The following SYNE1 variants were observed in gnomAD, a reference collection of about 807,000 sequenced individuals.
SYNE1 encodes the protein nesprin-1.
SYNE1 carries 616 observed loss-of-function variants against 1,111.0 expected under a neutral mutation model. The ratio of observed to expected loss-of-function variants is 0.55; its 90% CI spans 0.52 to 0.59. The LOEUF is 0.59. Among genes scored for constraint, SYNE1 ranks in the 20% least tolerant of loss-of-function variants. SYNE1 has a pLI of 0.00. For synonymous variants in SYNE1, 3,855 were observed against 3,825.8 expected (o/e 1.01, Z -0.28); for missense variants, 10,006 against 10,417.0 (o/e 0.96, Z 1.72).
chr6:152,189,539 G>C, intron 127 of SYNE1, 132 bp from the exon 128 acceptor site: 1 of 771,110 alleles, frequency 1.3e-6, no homozygotes, highest in Non-Finnish European at 2.1e-6. Flanking sequence ...GGGATCTAGA[G>C]GCACATCATG....
At chr6:152,521,617 AAT>A (rs1166403826) in intron 5 of SYNE1, among the ~76,000 whole-genome samples, 8 of 152,172 alleles carry the variant, frequency 5.3e-5, no homozygotes, top group Non-Finnish European at 7.4e-5. Context: ...GATCAGCAGC[AAT>A]GGGGACTTCT....
chr6:152,603,879 T>C (rs1405278291), intron 3 of SYNE1, among the ~76,000 whole-genome samples: 1 of 147,066 alleles, frequency 6.8e-6, no homozygotes, highest in Non-Finnish European at 1.5e-5. Flanking sequence ...ATACTATCTA[T>C]CTATACATGC....
chr6:152,535,394 A>G (rs1232960705), intron 4 of SYNE1, among the ~76,000 whole-genome samples: 1 of 152,184 alleles, frequency 6.6e-6, no homozygotes, highest in Non-Finnish European at 1.5e-5. Context: ...GCCTGAGTTC[A>G]TCCCAAACAC....
chr6:152,352,686 G>T (rs140790444), intron 69 of SYNE1, among the ~76,000 whole-genome samples: 1 of 152,310 alleles, frequency 6.6e-6, no homozygotes, highest in African/African-American at 2.4e-5. Flanking sequence ...TTACAGGTGT[G>T]AGCCACTGTG....
chr6:152,554,923 A>G (rs2099359784), intron 3 of SYNE1, among the ~76,000 whole-genome samples: 1 of 152,240 alleles, frequency 6.6e-6, no homozygotes. Flanking sequence ...GTTTGTAGGT[A>G]GGACTTAAGT....
In SYNE1 at chr6:152,239,676, T is replaced by G; in HGVS notation, c.19924A>C (p.Ile6642Leu). The G allele has an allele frequency of 6.2e-7, 1 of 1,614,186 alleles. No individual in the cohort carries two copies. Among genetic ancestry groups the G allele is most frequent in the Non-Finnish European group, 8.5e-7 (1 of 1,180,026 alleles). ...TTTCTGAAGAGTGTTTCAGTCAAGA[T>G]CATATGAGATTCCAGGCCCTGAAAG... is the stretch of plus-strand genomic sequence containing the variant. ...EYFQGLESHM[I>L]LTETLFRKII... The change falls in exon 108 of 146, where the codon ATC becomes CTC. Residue 6642 changes from isoleucine (I) to leucine (L), a missense_variant. Around this residue, in one of 7 missense-constraint regions of SYNE1, gnomAD observed 2,182 missense variants for 2,287.8 expected, o/e 0.95. Coordinates refer to ENST00000367255, the MANE Select transcript of SYNE1 (RefSeq NM_182961.4).
chr6:152,204,402 A>G (rs2076119585), intron 126 of SYNE1, among the ~76,000 whole-genome samples: 2 of 151,712 alleles, frequency 1.3e-5, no homozygotes, highest in African/African-American at 4.8e-5. Context: ...AGAAAGAAAG[A>G]TAAAAAAGAT....
At chr6:152,179,585 G>C (rs2067360537) in intron 129 of SYNE1, 1 of 147,416 alleles carries the variant, frequency 6.8e-6, no homozygotes, top group South Asian at 2.2e-4. Context: ...AATAGTAGAT[G>C]CTCTATTTCA....
intron 3 of SYNE1, among the ~76,000 whole-genome samples, chr6:152,573,958 G>A (rs528058253): frequency 6.6e-6 from 1 of 152,132 alleles, no homozygotes; most frequent in African/African-American, 2.4e-5. Context: ...AACTTTACGG[G>A]CTGTGGGAGC....
chr6:152,618,581 G>C (rs1024966144), intron 3 of SYNE1, among the ~76,000 whole-genome samples: 4 of 152,164 alleles, frequency 2.6e-5, no homozygotes, highest in African/African-American at 9.7e-5. Flanking sequence ...AATGTGGGTG[G>C]AGACCACTGT....
chr6:152,361,701 T>G (rs1378003039), intron 64 of SYNE1, among the ~76,000 whole-genome samples: 1 of 152,182 alleles, frequency 6.6e-6, no homozygotes, highest in East Asian at 1.9e-4. Context: ...ACCAAAGGAC[T>G]GTAAAACTTC....
At chr6:152,256,477 C>T (rs1315153476) in intron 102 of SYNE1, among the ~76,000 whole-genome samples, 157 bp downstream of exon 102, 1 of 149,494 alleles carries the variant, frequency 6.7e-6, no homozygotes, top group African/African-American at 2.5e-5. Flanking sequence ...TAGGATGGGA[C>T]TCCAGGGTCC....
At chr6:152,147,947 G>C (rs1019794212) in intron 137 of SYNE1, 98 bp downstream of exon 137, 2 of 1,091,460 alleles carry the variant, frequency 1.8e-6, no homozygotes, top group Admixed American at 1.9e-5. Flanking sequence ...CATGAAAGAA[G>C]GAAGCAAATG....
At chr6:152,252,283 T>TTAAATAAA (rs34950680) in intron 104 of SYNE1, among the ~76,000 whole-genome samples, 13 of 151,408 alleles carry the variant, frequency 8.6e-5, no homozygotes, top group East Asian at 7.8e-4. Flanking sequence ...AATAAATAAA[T>TTAAATAAA]TAAATAAATA....
chr6:152,236,025 A>G, intron 110 of SYNE1, 82 bp downstream of exon 110: 1 of 1,460,626 alleles, frequency 6.8e-7, no homozygotes, highest in Non-Finnish European at 9.6e-7. Context: ...TATAGGTTTG[A>G]GCCATCATCC....
At chr6:152,203,871 A>G (rs143265024) in intron 126 of SYNE1, among the ~76,000 whole-genome samples, 3 of 152,294 alleles carry the variant, frequency 2.0e-5, no homozygotes, top group Admixed American at 6.5e-5. Context: ...AAAATTGTCT[A>G]TCAGGGACAG....
chr6:152,537,619 A>G (rs1277562728), intron 4 of SYNE1, among the ~76,000 whole-genome samples: 1 of 152,178 alleles, frequency 6.6e-6, no homozygotes, highest in Non-Finnish European at 1.5e-5. Flanking sequence ...TTAAAAGTCA[A>G]AAGTATATTA....
chr6:152,598,111 G>A (rs1444563663), intron 3 of SYNE1, among the ~76,000 whole-genome samples: 1 of 152,146 alleles, frequency 6.6e-6, no homozygotes, highest in Non-Finnish European at 1.5e-5. Flanking sequence ...TGGTTTGGCT[G>A]TGTCCCCACC....
At chr6:152,385,584 A>T in intron 55 of SYNE1, 90 bp downstream of exon 55, 2 of 1,457,760 alleles carry the variant, frequency 1.4e-6, no homozygotes, top group Non-Finnish European at 1.9e-6. Flanking sequence ...GAAACATTTT[A>T]AATAACAGAA....
Sources: gnomAD v4.1 joint callset for allele counts (sites outside exome capture counted in the v4.1 genomes callset) on GRCh38, gnomAD v4.1.1 for gene constraint, gnomAD v4.1.1 regional missense constraint, MANE v1.5 for transcripts, NCBI Gene and HGNC (gene_info 2026-07-23, HGNC 2026-07-21) for gene names.